Variants in LRRC49 observed in about 807,000 individuals in gnomAD.
The protein encoded by LRRC49 is leucine rich repeat containing 49.
LRRC49 carries 50 observed loss-of-function variants against 83.3 expected under a neutral mutation model. That is an observed-to-expected ratio of 0.60 (90% CI 0.48 to 0.76). The LOEUF (loss-of-function observed/expected upper bound fraction) is 0.76, where lower values mean the gene tolerates loss of function less well. LRRC49 is among the 30% of genes least tolerant of loss of function. The pLI, the probability that LRRC49 is intolerant of heterozygous loss-of-function variation, is 0.00. For synonymous variants in LRRC49, 286 were observed against 283.3 expected (o/e 1.01, Z -0.10); for missense variants, 704 against 809.1 (o/e 0.87, Z 1.58).
At chr15:71,039,534 C>T (rs568214646) in intron 15 of LRRC49, among the ~76,000 whole-genome samples, 1 of 152,302 alleles carries the variant, frequency 6.6e-6, no homozygotes, top group South Asian at 2.1e-4. Context: ...TGCATGTAGC[C>T]TATGCACATC....
intron 14 of LRRC49, among the ~76,000 whole-genome samples, chr15:71,027,627 A>C (rs116231571): frequency 0.027 from 4,072 of 149,762 alleles, 191 homozygotes; most frequent in African/African-American, 0.093. Flanking sequence ...CTATTTGATT[A>C]TTTGTAGTTC....
At chr15:70,868,284 T>C (rs1388278811) in intron 1 of LRRC49, among the ~76,000 whole-genome samples, 1 of 152,234 alleles carries the variant, frequency 6.6e-6, no homozygotes, top group Non-Finnish European at 1.5e-5. Context: ...CACCTTGAAA[T>C]GTAAGCTATG....
intron 11 of LRRC49, among the ~76,000 whole-genome samples, chr15:71,002,991 G>T (rs1007896700): frequency 7.6e-6 from 1 of 131,690 alleles, no homozygotes; most frequent in South Asian, 2.5e-4. Flanking sequence ...AGGCTGGAGC[G>T]CAATGGTGCA....
At chr15:70,884,383 T>A (rs1183385818) in intron 2 of LRRC49, among the ~76,000 whole-genome samples, 2 of 151,856 alleles carry the variant, frequency 1.3e-5, no homozygotes, top group Non-Finnish European at 2.9e-5. Flanking sequence ...AATACAAAAA[T>A]TAGCTGGCAT....
At chr15:70,874,533 C>T (rs948117897) in intron 2 of LRRC49, among the ~76,000 whole-genome samples, 2 of 152,080 alleles carry the variant, frequency 1.3e-5, no homozygotes, top group Admixed American at 6.6e-5. Flanking sequence ...TCTTTTGAAG[C>T]GGTTTGCATT....
chr15:71,045,777 G>A (rs2039836755), intron 15 of LRRC49, among the ~76,000 whole-genome samples: 1 of 151,948 alleles, frequency 6.6e-6, no homozygotes, highest in Non-Finnish European at 1.5e-5. Flanking sequence ...TGTGATGCTG[G>A]GGTTTGGAGT....
chr15:70,882,945 G>A (rs2033303309), intron 2 of LRRC49: 2 of 1,608,020 alleles, frequency 1.2e-6, no homozygotes. Flanking sequence ...ATATTAAAGT[G>A]TACCTTATAG....
intron 4 of LRRC49, among the ~76,000 whole-genome samples, chr15:70,901,915 A>C (rs548448175): frequency 1.3e-5 from 2 of 152,254 alleles, no homozygotes; most frequent in East Asian, 3.9e-4. Flanking sequence ...CCCAATCTCT[A>C]TCTACCCCAG....
rs532967464 is a variant in LRRC49, at chr15:71,049,917, G to A, written c.*305G>A. On this transcript the variant is annotated 3_prime_UTR_variant, in exon 16 of 16. Coordinates refer to ENST00000260382, the MANE Select transcript of LRRC49 (RefSeq NM_017691.5). ...GATTGGTGCCCTGCTATAGCCCAAA[G>A]CACGTAGTATTTGCTGATGATTCAG... 179 of 232,884 alleles carry A rather than the reference G, an allele frequency of 7.7e-4. No individual in the cohort carries two copies. The highest frequency in any genetic ancestry group is 1.5e-3 in the South Asian group (12 of 7,758). The allele number at this position is 232,884 out of a possible 1,614,324, so 14.4% of individuals were successfully genotyped here.
intron 14 of LRRC49, among the ~76,000 whole-genome samples, chr15:71,021,690 T>C (rs1368759232): frequency 6.6e-6 from 1 of 152,236 alleles, no homozygotes; most frequent in Non-Finnish European, 1.5e-5. Context: ...GATCAAACCT[T>C]GGCTCTCTCA....
At chr15:70,858,891 A>G (rs1287183100) in intron 1 of LRRC49, 25 of 762,836 alleles carry the variant, frequency 3.3e-5, no homozygotes, top group Non-Finnish European at 1.4e-5. Flanking sequence ...GGCCAGTGGT[A>G]TGGGAGGCAT....
At chr15:70,869,525 T>C (rs1470727926) in intron 1 of LRRC49, among the ~76,000 whole-genome samples, 1 of 152,146 alleles carries the variant, frequency 6.6e-6, no homozygotes, top group Non-Finnish European at 1.5e-5. Flanking sequence ...GCTAGACAGC[T>C]GTGGAATGTA....
At chr15:70,872,645 T>C (rs1367720137) in intron 1 of LRRC49, among the ~76,000 whole-genome samples, 1 of 152,108 alleles carries the variant, frequency 6.6e-6, no homozygotes, top group Non-Finnish European at 1.5e-5. Context: ...GTGTGTGTTC[T>C]AAAAAGATGA....
chr15:70,866,392 G>A (rs909687600), intron 1 of LRRC49, among the ~76,000 whole-genome samples: 5 of 152,016 alleles, frequency 3.3e-5, no homozygotes, highest in East Asian at 1.9e-4. Flanking sequence ...TGATCCGCCC[G>A]CTTCAGACTC....
At chr15:70,996,953 C>T (rs2038094171) in intron 11 of LRRC49, among the ~76,000 whole-genome samples, 1 of 152,174 alleles carries the variant, frequency 6.6e-6, no homozygotes, top group African/African-American at 2.4e-5. Flanking sequence ...TTGATTGAGA[C>T]TTGCTTTATG....
intron 14 of LRRC49, among the ~76,000 whole-genome samples, chr15:71,031,437 T>A (rs1422272159): frequency 2.6e-5 from 4 of 152,342 alleles, no homozygotes. Context: ...TGTTGGCCCC[T>A]GTTGGGAGGT....
At chr15:70,862,161 A>G (rs530347367) in intron 1 of LRRC49, among the ~76,000 whole-genome samples, 3 of 152,340 alleles carry the variant, frequency 2.0e-5, no homozygotes, top group Admixed American at 6.5e-5. Flanking sequence ...CTGGTCCTCC[A>G]TTCCCCAGGA....
intron 15 of LRRC49, among the ~76,000 whole-genome samples, chr15:71,044,091 T>C (rs1457715524): frequency 6.6e-6 from 1 of 152,194 alleles, no homozygotes; most frequent in Non-Finnish European, 1.5e-5. Flanking sequence ...TTTGTAGGAG[T>C]TCCTATGTAG....
chr15:70,892,743 C>G, upstream of LRRC49: 1 of 1,529,572 alleles, frequency 6.5e-7, no homozygotes, highest in East Asian at 2.3e-5. Flanking sequence ...GTGGCTCTAT[C>G]GATTCGGGAG....
Sources: gnomAD v4.1 joint callset for allele counts (sites outside exome capture counted in the v4.1 genomes callset) on GRCh38, gnomAD v4.1.1 for gene constraint, MANE v1.5 for transcripts, NCBI Gene and HGNC (gene_info 2026-07-23, HGNC 2026-07-21) for gene names.